The following DHX35 variants were observed in gnomAD, a reference collection of about 807,000 sequenced individuals.
The protein encoded by DHX35 is DEAH-box helicase 35, also known as probable ATP-dependent RNA helicase DHX35.
A neutral mutation model predicts 99.6 loss-of-function variants in DHX35; 84 were observed. That is an observed-to-expected ratio of 0.84 (90% CI 0.71 to 1.01). DHX35 has a LOEUF of 1.01. Among genes scored for constraint, DHX35 ranks in the 50% least tolerant of loss-of-function variants. The pLI is 0.00. For synonymous variants in DHX35, 331 were observed against 316.2 expected (o/e 1.05, Z -0.50); for missense variants, 852 against 888.5 (o/e 0.96, Z 0.52).
intron 3 of DHX35, among the ~76,000 whole-genome samples, chr20:38,982,751 T>C (rs1314888965): frequency 1.3e-5 from 2 of 152,342 alleles, no homozygotes; most frequent in East Asian, 1.9e-4. Context: ...GCAGTAACTT[T>C]TAAAATCTTT....
At chr20:38,974,515 TG>T (rs1026806146) in intron 3 of DHX35, among the ~76,000 whole-genome samples, 3 of 152,304 alleles carry the variant, frequency 2.0e-5, no homozygotes, top group South Asian at 2.1e-4. Flanking sequence ...AAGTAAAGAT[TG>T]TTTTTTTGAG....
At chr20:39,012,163 C>T (rs1323230648) in intron 13 of DHX35, among the ~76,000 whole-genome samples, 4 of 152,146 alleles carry the variant, frequency 2.6e-5, no homozygotes, top group African/African-American at 7.2e-5. Flanking sequence ...GCAGGAGAAA[C>T]GCTTGAACCC....
chr20:39,014,372 G>A (rs971123340), intron 13 of DHX35, among the ~76,000 whole-genome samples: 2 of 152,154 alleles, frequency 1.3e-5, no homozygotes, highest in South Asian at 2.1e-4. Flanking sequence ...TTGAAATTCA[G>A]ATTCGACATA....
At chr20:38,997,472 T>C (rs1317612853) in intron 8 of DHX35, among the ~76,000 whole-genome samples, 1 of 152,212 alleles carries the variant, frequency 6.6e-6, no homozygotes, top group Non-Finnish European at 1.5e-5. Flanking sequence ...GTTCTGTCTA[T>C]GGTAGTTGAT....
At chr20:39,004,286 C>T (rs1447505241) in intron 11 of DHX35, among the ~76,000 whole-genome samples, 1 of 152,112 alleles carries the variant, frequency 6.6e-6, no homozygotes, top group Non-Finnish European at 1.5e-5. Flanking sequence ...AGGATGGTCT[C>T]GATCTCCTGA....
chr20:39,001,467 C>T (rs1026243458), intron 8 of DHX35, among the ~76,000 whole-genome samples: 1 of 152,152 alleles, frequency 6.6e-6, no homozygotes, highest in African/African-American at 2.4e-5. Flanking sequence ...AGATGCTATG[C>T]TGAATGCAGT....
Position 39,018,834 on chromosome 20 carries a change from C to T in DHX35, c.1433C>T (p.Pro478Leu), listed in dbSNP as rs762505424. Residue 478 changes from proline to leucine, a missense_variant, in exon 15 of 22, where the codon CCG (proline) becomes CTG (leucine). By Grantham distance (98) the Pro-to-Leu change is moderately conservative (BLOSUM62 -3). Transcript: ENST00000252011. The part of the protein sequence containing the change: ...GLDKDCRLTE[P>L]LGMRIAEFPL... ...GACAAAGACTGTCGCCTAACTGAAC[C>T]GCTTGGCATGAGAATTGCAGAGTTT... is the stretch of plus-strand genomic sequence containing the variant. 109 of 1,613,866 alleles carry T rather than the reference C, an allele frequency of 6.8e-5. No individual in the cohort carries two copies. The highest frequency in any genetic ancestry group is 1.4e-4 in the South Asian group (13 of 91,072).
intron 8 of DHX35, among the ~76,000 whole-genome samples, chr20:38,995,748 G>A (rs2086419372): frequency 6.6e-6 from 1 of 151,752 alleles, no homozygotes; most frequent in African/African-American, 2.4e-5. Context: ...CTTAACTCCA[G>A]CCAGCTGGGG....
intron 12 of DHX35, among the ~76,000 whole-genome samples, chr20:39,006,645 GC>G (rs889488271): frequency 1.2e-4 from 18 of 152,278 alleles, no homozygotes; most frequent in African/African-American, 4.3e-4. Flanking sequence ...TAGGGTGTGG[GC>G]TGTGTGTCCT....
At chr20:39,015,194 C>G (rs1030282975) in intron 14 of DHX35, among the ~76,000 whole-genome samples, 32 of 152,138 alleles carry the variant, frequency 2.1e-4, no homozygotes, top group Non-Finnish European at 5.9e-5. Flanking sequence ...GGCTACACTC[C>G]TAAGAGATGT....
chr20:38,988,775 C>T, intron 4 of DHX35, 38 bp from the exon 5 acceptor site: 1 of 1,612,178 alleles, frequency 6.2e-7, no homozygotes, highest in Non-Finnish European at 8.5e-7. Flanking sequence ...GCAGTAATTT[C>T]TATGTCTCTA....
intron 3 of DHX35, among the ~76,000 whole-genome samples, chr20:38,977,129 C>T (rs998824223): frequency 6.6e-6 from 1 of 152,154 alleles, no homozygotes; most frequent in Non-Finnish European, 1.5e-5. Context: ...ATTGCTGCAT[C>T]ATATGGTAGT....
At chr20:39,006,803 C>T (rs150809836) in intron 12 of DHX35, among the ~76,000 whole-genome samples, 6 of 152,312 alleles carry the variant, frequency 3.9e-5, no homozygotes, top group Admixed American at 2.6e-4. Flanking sequence ...AAGGTCTGTC[C>T]GGAGACTCAT....
At chr20:38,965,840 G>A (rs970197704) in intron 1 of DHX35, among the ~76,000 whole-genome samples, 2 of 152,130 alleles carry the variant, frequency 1.3e-5, no homozygotes, top group African/African-American at 4.8e-5. Flanking sequence ...ACGTGGATCC[G>A]AAGGGCCTGC....
At chr20:38,978,345 G>T in intron 3 of DHX35, 1 of 742,892 alleles carries the variant, frequency 1.3e-6, no homozygotes, top group Non-Finnish European at 2.5e-6. Flanking sequence ...GATCATCTTT[G>T]ATGGCCTTTA....
chr20:39,012,384 C>T (rs1473358726), intron 13 of DHX35, among the ~76,000 whole-genome samples: 1 of 152,062 alleles, frequency 6.6e-6, no homozygotes, highest in African/African-American at 2.4e-5. Context: ...TTTTTATATG[C>T]ACATCATTTA....
chr20:39,026,719 A>T (rs990187276), intron 18 of DHX35, among the ~76,000 whole-genome samples: 3 of 152,100 alleles, frequency 2.0e-5, no homozygotes, highest in Non-Finnish European at 4.4e-5. Context: ...TGGAGTGAGG[A>T]GTATATGAGA....
chr20:39,018,225 G>A (rs2086816551), intron 14 of DHX35, among the ~76,000 whole-genome samples: 2 of 152,096 alleles, frequency 1.3e-5, no homozygotes, highest in African/African-American at 2.4e-5. Flanking sequence ...CACAGGACAC[G>A]GGATGCCATC....
chr20:39,017,514 C>T (rs2086805221), intron 14 of DHX35, among the ~76,000 whole-genome samples: 1 of 152,112 alleles, frequency 6.6e-6, no homozygotes, highest in Non-Finnish European at 1.5e-5. Context: ...TTTCCTATTT[C>T]TTCAATACCC....
Sources: allele counts gnomAD v4.1 joint callset (sites outside exome capture counted in the v4.1 genomes callset), GRCh38; gene constraint gnomAD v4.1.1; transcripts MANE v1.5; gene names NCBI Gene and HGNC (gene_info 2026-07-23, HGNC 2026-07-21).